INPP4A: variants seen among roughly 807,000 people sequenced by gnomAD.
INPP4A encodes the protein inositol polyphosphate-4-phosphatase type I A, also known as inositol polyphosphate-4-phosphatase, type I, 107kD.
Under a neutral mutation model 119.8 loss-of-function variants are expected in INPP4A, and 33 were observed. The observed-to-expected ratio is 0.28, with a 90% CI of 0.21 to 0.37. The LOEUF (loss-of-function observed/expected upper bound fraction) is 0.37, where lower values mean the gene tolerates loss of function less well. INPP4A is among the 10% of genes least tolerant of loss of function. The pLI is 1.00. For synonymous variants in INPP4A, 496 were observed against 500.7 expected (o/e 0.99, Z 0.12); for missense variants, 956 against 1,289.9 (o/e 0.74, Z 3.97).
intron 1 of INPP4A, among the ~76,000 whole-genome samples, chr2:98,494,668 C>A (rs544169453): frequency 1.1e-4 from 16 of 151,770 alleles, no homozygotes; most frequent in African/African-American, 3.4e-4. Flanking sequence ...AATAAGAGGC[C>A]GATAAGCAAT....
chr2:98,564,931 T>G (rs190323755), intron 19 of INPP4A, among the ~76,000 whole-genome samples, 168 bp downstream of exon 19: 53 of 152,324 alleles, frequency 3.5e-4, no homozygotes, highest in African/African-American at 1.2e-3. Flanking sequence ...CGCACACGCC[T>G]TGGTTTGTTG....
In INPP4A at chr2:98,536,219, A is replaced by G. The variant is rs1157650490; in HGVS notation, c.467+11A>G. 1.3e-6 allele frequency: 2 copies of G among 1,536,450 alleles called. No homozygotes were observed. Among genetic ancestry groups the G allele is most frequent in the African/African-American group, 1.4e-5 (1 of 73,404 alleles). On this transcript the variant is annotated intron_variant, in intron 7 of 24. Transcript: ENST00000409851. ...GCATTTAACACTAAGGTTGGTATTC[A>G]GTTTTATTCCCTTGAAAGGATCTGG...
chr2:98,461,450 T>C (rs1009353770), intron 1 of INPP4A, among the ~76,000 whole-genome samples: 1 of 152,210 alleles, frequency 6.6e-6, no homozygotes, highest in Non-Finnish European at 1.5e-5. Flanking sequence ...AAATCTTCCA[T>C]CCCCTTATTG....
chr2:98,539,553 G>A lies in INPP4A; in HGVS notation c.696G>A (p.Met232Ile). Residue 232 changes from methionine to isoleucine, a missense_variant, in exon 10 of 25, where the codon ATG (methionine) becomes ATA (isoleucine). By Grantham distance (10) the Met-to-Ile change is conservative. Around this residue, in one of 2 missense-constraint regions of INPP4A, gnomAD observed 652 missense variants for 797.9 expected, o/e 0.82. Transcript: ENST00000409851. ...TGTTCGGTGGTGCCATCTGCCGCAT[G>A]TACCGGTTTCCAACCACTGATGGTA... ...KSVFGGAICRMYRFPTTDGNH... is the reference protein window; with the variant it reads ...KSVFGGAICRIYRFPTTDGNH... 6.2e-7 allele frequency: 1 copy of A among 1,611,630 alleles called. No homozygotes were observed. Among genetic ancestry groups the A allele is most frequent in the Non-Finnish European group, 8.5e-7 (1 of 1,178,620 alleles).
chr2:98,512,381 G>A (rs1353852777), intron 1 of INPP4A, among the ~76,000 whole-genome samples: 4 of 152,170 alleles, frequency 2.6e-5, no homozygotes, highest in Admixed American at 6.5e-5. Context: ...TTTAGTCTGC[G>A]GAAGGGCAGG....
intron 1 of INPP4A, among the ~76,000 whole-genome samples, chr2:98,460,311 G>A (rs766484831): frequency 2.0e-5 from 3 of 152,084 alleles, no homozygotes; most frequent in Non-Finnish European, 4.4e-5. Context: ...GGTGAGTTAT[G>A]TGTCATGGAA....
chr2:98,444,709 T>C (rs1693848140), upstream of INPP4A: 1 of 152,110 alleles, frequency 6.6e-6, no homozygotes, highest in Non-Finnish European at 1.5e-5. Context: ...CAGTAGGAAT[T>C]GGCGCGAGCA....
rs77594318 is a variant in INPP4A at position 98,586,678 on chromosome 2, A to G, written c.2787-798A>G. Among the ~76,000 whole-genome samples, 588 of 152,292 alleles carry G rather than the reference A, an allele frequency of 3.9e-3. 4 individuals are homozygous for G. The highest frequency in any genetic ancestry group is 0.013 in the African/African-American group (551 of 41,560). On this transcript the variant is annotated intron_variant, in intron 24 of 24. Transcript: ENST00000409851. ...GTTTGCTTTTGCCCCCTGGATTGCC[A>G]TGGCAACCCTCCATCAGATGCAGCT...
intron 4 of INPP4A, among the ~76,000 whole-genome samples, chr2:98,529,018 G>C (rs1160781918): frequency 6.6e-6 from 1 of 150,918 alleles, no homozygotes; most frequent in African/African-American, 2.4e-5. Context: ...GGCGGAGCTT[G>C]CTGTGAGCCG....
rs370666635 is a variant in INPP4A, at chr2:98,481,329, G to GA, written c.-166+36244_-166+36245insA. ...GGATGTCTTCCTCTGAAAATTCCCT[G>GA]GGGGGAAAGAAATGGCATACATTTC... On this transcript the variant is annotated intron_variant, in intron 1 of 24. Transcript: ENST00000409851. 5.2e-3 allele frequency among the ~76,000 whole-genome samples: 788 copies of GA among 152,188 alleles called. 12 individuals carry two copies. Among genetic ancestry groups the GA allele is most frequent in the African/African-American group, 0.018 (732 of 41,498 alleles).
intron 1 of INPP4A, among the ~76,000 whole-genome samples, chr2:98,478,780 C>T (rs1677790517): frequency 2.0e-5 from 3 of 152,180 alleles, no homozygotes; most frequent in Admixed American, 2.0e-4. Context: ...CTGACTTACT[C>T]TGCATTCAGT....
At chr2:98,494,862 G>A (rs1325974930) in intron 1 of INPP4A, among the ~76,000 whole-genome samples, 1 of 152,214 alleles carries the variant, frequency 6.6e-6, no homozygotes, top group Non-Finnish European at 1.5e-5. Flanking sequence ...GCAGCAATTA[G>A]TGGGGTCTAA....
At chr2:98,476,403 A>G (rs747102678) in intron 1 of INPP4A, among the ~76,000 whole-genome samples, 6 of 152,184 alleles carry the variant, frequency 3.9e-5, no homozygotes, top group Non-Finnish European at 7.3e-5. Context: ...GTCCCTCGGG[A>G]GGGTTCACAC....
chr2:98,564,539 T>A, intron 18 of INPP4A, 101 bp from the exon 19 acceptor site: 1 of 1,421,214 alleles, frequency 7.0e-7, no homozygotes, highest in African/African-American at 1.4e-5. Context: ...CTTTGAGCAG[T>A]GGCAGCAGAG....
At chr2:98,563,697 G>T in intron 18 of INPP4A, 60 bp downstream of exon 18, 1 of 1,541,568 alleles carries the variant, frequency 6.5e-7, no homozygotes, top group Middle Eastern at 2.4e-4. Flanking sequence ...GAAAAGACAG[G>T]CTTAGGAAGC....
chr2:98,549,028 G>A, intron 13 of INPP4A: 1 of 1,552,436 alleles, frequency 6.4e-7, no homozygotes, highest in Non-Finnish European at 8.8e-7. Context: ...TGCAGAGAAA[G>A]CTTGTGCCAT....
chr2:98,572,907 A>C lies in INPP4A; in HGVS notation c.2611A>C (p.Ile871Leu). The C allele has an allele frequency of 6.4e-7, 1 of 1,573,938 alleles. No homozygotes were observed. Among genetic ancestry groups the C allele is most frequent in the Non-Finnish European group, 8.6e-7 (1 of 1,159,630 alleles). ...TGCCCGGAAGAATAAGAACGTCGAC[A>C]TTCTCTGGCAAGCTGCTGAGGTACT... The part of the protein sequence containing the change: ...VHARKNKNVD[I>L]LWQAAEICRR... Residue 871 changes from isoleucine (I) to leucine (L), a missense_variant, in exon 23 of 25, where the codon ATT becomes CTT. Ile to Leu is a conservative substitution (Grantham distance 5). Coordinates refer to ENST00000409851, the MANE Select transcript of INPP4A (RefSeq NM_001134225.2).
At chr2:98,446,761 A>G (rs1345800440) in intron 1 of INPP4A, among the ~76,000 whole-genome samples, 1 of 152,146 alleles carries the variant, frequency 6.6e-6, no homozygotes, top group Non-Finnish European at 1.5e-5. Flanking sequence ...TTTCCCAACT[A>G]GATTCAGAAC....
chr2:98,508,734 A>T (rs919465609), intron 1 of INPP4A, among the ~76,000 whole-genome samples: 2 of 152,188 alleles, frequency 1.3e-5, no homozygotes, highest in African/African-American at 4.8e-5. Flanking sequence ...AAGAAATGAG[A>T]CTTGTCAAAG....
Sources: allele counts gnomAD v4.1 joint callset (sites outside exome capture counted in the v4.1 genomes callset), GRCh38; gene constraint gnomAD v4.1.1; regional missense constraint gnomAD v4.1.1; transcripts MANE v1.5; gene names NCBI Gene and HGNC (gene_info 2026-07-23, HGNC 2026-07-21).